Variants in REPS2 observed in about 807,000 individuals in gnomAD.
REPS2 encodes ralBP1-associated Eps domain-containing protein 2.
A neutral mutation model predicts 53.6 loss-of-function variants in REPS2; 23 were observed. That is an observed-to-expected ratio of 0.43 (90% CI 0.31 to 0.61). REPS2 has a LOEUF of 0.61. Ranked by LOEUF, REPS2 falls within the 20% of genes least tolerant of loss-of-function variation. REPS2 has a pLI of 0.11. For missense variants in REPS2, 446 were observed against 534.9 expected, an observed-to-expected ratio of 0.83 and a Z score of 1.64; for synonymous variants, 238 against 218.6, an observed-to-expected ratio of 1.09 and a Z score of -0.78.
At chrX:16,977,238 T>C (rs1214499212) in intron 1 of REPS2, among the ~76,000 whole-genome samples, 2 of 110,635 alleles carry the variant, frequency 1.8e-5, no homozygotes, top group African/African-American at 6.6e-5. Context: ...ATGATTCCTA[T>C]TGGGATGAGT....
chrX:17,125,170 G>A, intron 14 of REPS2, among the ~76,000 whole-genome samples: 1 of 110,571 alleles, frequency 9.0e-6, no homozygotes, highest in Non-Finnish European at 1.9e-5. Flanking sequence ...TTTTTAAGTG[G>A]GATTTGACTT....
At chrX:17,003,411 T>A (rs1378285920) in intron 1 of REPS2, among the ~76,000 whole-genome samples, 1 of 111,432 alleles carries the variant, frequency 9.0e-6, no homozygotes, top group Non-Finnish European at 1.9e-5. Context: ...GAAAGGTAGT[T>A]TGGGCCAGAC....
rs146824390 is a variant in REPS2 at position 17,135,879 on chromosome X, G to A, written c.1808+473G>A. 1.8e-3 allele frequency: 214 copies of A among 115,962 alleles called. 1 individual carries two copies. The highest frequency in any genetic ancestry group is 6.9e-3 in the East Asian group (25 of 3,633). The allele number at this position is 115,962 out of a possible 1,213,427, so 9.6% of individuals were successfully genotyped here. A position where few individuals can be genotyped will look rare whatever the true frequency, so the allele number is the denominator to read the frequency against. ...CCGTAAAGAGTTTCTGTTGTTGGTC[G>A]CCTCAGCACAGAATGGATACATGCA... is the stretch of plus-strand genomic sequence containing the variant. On this transcript the variant is annotated intron_variant, in intron 16 of 17. Transcript: ENST00000357277.
chrX:16,987,954 A>T (rs2061112073), intron 1 of REPS2, among the ~76,000 whole-genome samples: 1 of 111,418 alleles, frequency 9.0e-6, no homozygotes, highest in African/African-American at 3.3e-5. Flanking sequence ...GCAATAAGGC[A>T]AGAAAAGGAA....
At chrX:17,092,063 G>A (rs781356695) in intron 13 of REPS2, among the ~76,000 whole-genome samples, 6 of 111,497 alleles carry the variant, frequency 5.4e-5, no homozygotes, top group Non-Finnish European at 9.4e-5. Flanking sequence ...AGTTAGGGGG[G>A]ATGGGAGCCC....
intron 14 of REPS2, among the ~76,000 whole-genome samples, chrX:17,111,117 T>C (rs747914022): frequency 1.0e-3 from 112 of 112,407 alleles, no homozygotes; most frequent in African/African-American, 3.2e-3. Flanking sequence ...TTCAAATATC[T>C]ATAAGAAAAT....
intron 1 of REPS2, among the ~76,000 whole-genome samples, chrX:16,952,170 T>G (rs1289400469): frequency 1.8e-5 from 2 of 111,408 alleles, no homozygotes; most frequent in Non-Finnish European, 3.8e-5. Context: ...GGTGATTTGC[T>G]GCACCCATCA....
intron 9 of REPS2, among the ~76,000 whole-genome samples, chrX:17,063,902 T>C (rs2062190961): frequency 1.1e-5 from 1 of 95,233 alleles, no homozygotes; most frequent in Non-Finnish European, 2.1e-5. Flanking sequence ...CTGTTACACA[T>C]GCACACGTCT....
chrX:16,957,041 T>C (rs1220926412), intron 1 of REPS2, among the ~76,000 whole-genome samples: 1 of 112,282 alleles, frequency 8.9e-6, no homozygotes, highest in Non-Finnish European at 1.9e-5. Context: ...CTCCTGGAGG[T>C]AGGTAATTAA....
intron 2 of REPS2, among the ~76,000 whole-genome samples, chrX:17,014,549 T>G (rs1483764316): frequency 8.9e-6 from 1 of 112,006 alleles, no homozygotes; most frequent in African/African-American, 3.2e-5. Context: ...GGCCTGATTT[T>G]TTTTTTTGTT....
the REPS2 span, among the ~76,000 whole-genome samples, chrX:17,185,569 C>T: frequency 8.9e-6 from 1 of 111,841 alleles, no homozygotes; most frequent in East Asian, 2.8e-4. Flanking sequence ...ATCCCATATT[C>T]AGTCCTCACT....
intron 8 of REPS2, among the ~76,000 whole-genome samples, chrX:17,057,589 C>T (rs1447265667): frequency 1.8e-5 from 2 of 112,854 alleles, no homozygotes; most frequent in East Asian, 2.8e-4. Context: ...TGCTGCCCTT[C>T]CTTAGATGCT....
At chrX:17,153,597 C>T (rs2063588567), downstream of REPS2, among the ~76,000 whole-genome samples, 1 of 111,492 alleles carries the variant, frequency 9.0e-6, no homozygotes, top group Non-Finnish European at 1.9e-5. Flanking sequence ...ATCATGATGT[C>T]CTTAGCTGGA....
At chrX:16,968,509 C>T (rs1034762467) in intron 1 of REPS2, among the ~76,000 whole-genome samples, 9 of 99,873 alleles carry the variant, frequency 9.0e-5, no homozygotes, top group African/African-American at 3.0e-4. Flanking sequence ...GGCGGCTGGC[C>T]GGGCGGGGGG....
At chrX:17,196,273 G>A in the REPS2 span, among the ~76,000 whole-genome samples, 12 of 111,739 alleles carry the variant, frequency 1.1e-4, no homozygotes, top group African/African-American at 3.9e-4. Context: ...AAGAAATAAA[G>A]GAGTTTTCCT....
chrX:17,119,442 C>T (rs933296687), intron 14 of REPS2, among the ~76,000 whole-genome samples: 4 of 112,178 alleles, frequency 3.6e-5, no homozygotes, highest in Non-Finnish European at 5.6e-5. Flanking sequence ...AAAGCTCACT[C>T]TGCTGGTATC....
chrX:17,151,797 T>C lies in REPS2; in HGVS notation c.*4316T>C, dbSNP rs1019953636. On this transcript the variant is annotated 3_prime_UTR_variant, in exon 18 of 18. Coordinates refer to ENST00000357277, the MANE Select transcript of REPS2 (RefSeq NM_004726.3). ...TTTTTCTTTCTAACTGCTTTACTGT[T>C]TCAAGGGTATTCTTTTAAAACTCTG... 8 of 112,050 alleles carry C rather than the reference T, an allele frequency of 7.1e-5. No individual in the cohort carries two copies. The highest frequency in any genetic ancestry group is 2.6e-4 in the African/African-American group (8 of 30,826). 9.2% of individuals were successfully genotyped at this position (112,050 alleles called of 1,213,427 possible).
At chrX:16,949,999 C>T (rs753586241) in intron 1 of REPS2, among the ~76,000 whole-genome samples, 1 of 110,851 alleles carries the variant, frequency 9.0e-6, no homozygotes, top group East Asian at 2.8e-4. Context: ...AATAGTTTCA[C>T]TGCTCTAAAA....
chrX:17,000,132 TCCAATTGCTCTGGTTGGTTG>T (rs2061288904), intron 1 of REPS2, among the ~76,000 whole-genome samples: 1 of 109,652 alleles, frequency 9.1e-6, no homozygotes, highest in Admixed American at 9.7e-5. Flanking sequence ...AACTATGGCA[TCCAATTGCTCTGGTTGGTTG>T]CCATGAAAGT....
Sources: allele counts gnomAD v4.1 joint callset (sites outside exome capture counted in the v4.1 genomes callset), GRCh38; gene constraint gnomAD v4.1.1; transcripts MANE v1.5; gene names NCBI Gene and HGNC (gene_info 2026-07-23, HGNC 2026-07-21).